Variants in GSDMD observed in about 807,000 individuals in gnomAD.
GSDMD encodes the protein gasdermin D, also known as gasdermin-D.
In GSDMD, 46 loss-of-function variants were observed where a neutral mutation model predicts 46.7. The observed-to-expected ratio is 0.99, with a 90% CI of 0.78 to 1.26. The LOEUF (loss-of-function observed/expected upper bound fraction) is 1.26. Among genes scored for constraint, GSDMD ranks in the 50% most tolerant of loss-of-function variants. GSDMD has a pLI of 0.00. For missense variants in GSDMD, 649 were observed against 638.8 expected (o/e 1.02, Z -0.17); for synonymous variants, 307 against 283.1 (o/e 1.08, Z -0.85).
chr8:143,557,870 CT>C, upstream of GSDMD: 1 of 421,084 alleles, frequency 2.4e-6, no homozygotes, highest in East Asian at 7.4e-5. Flanking sequence ...TGCCCAGACC[CT>C]TCGGCACAGG....
chr8:143,558,854 C>T (rs750883083), intron 1 of GSDMD: 7 of 531,960 alleles, frequency 1.3e-5, no homozygotes, highest in Non-Finnish European at 2.2e-5. Context: ...AAAGCCTCAG[C>T]CTTGGACAGG....
At chr8:143,557,283 T>TTGCCGCTTTGGCGAAGGATGC (rs1563902438), upstream of GSDMD, among the ~76,000 whole-genome samples, 7 of 105,312 alleles carry the variant, frequency 6.6e-5, no homozygotes, top group Non-Finnish European at 1.3e-4. Context: ...GGTTTCCACC[T>TTGCCGCTTTGGCGAAGGATGC]TGCCGCTATG....
rs769398161 is a variant in GSDMD, at chr8:143,561,829, G to A, written c.823+1G>A. On this transcript the variant is annotated splice_donor_variant, in intron 7 of 10. Transcript: ENST00000262580. LOFTEE classifies it high-confidence loss of function. ...AGGTGCCTCCACAACTTCCTGACAG[G>A]TCAGTGCCCTCCTGACCGCCCCGGG... 2 of 1,610,960 alleles carry A rather than the reference G, an allele frequency of 1.2e-6. No individual in the cohort carries two copies. Among genetic ancestry groups the A allele is most frequent in the Non-Finnish European group, 1.7e-6 (2 of 1,178,964 alleles).
At position 143,559,469 on chromosome 8, in the gene GSDMD, C is replaced by G; in HGVS notation, c.134C>G (p.Ser45Ter). The G allele has an allele frequency of 1.2e-6, 2 of 1,612,932 alleles. No homozygotes were observed. Among genetic ancestry groups the G allele is most frequent in the Non-Finnish European group, 1.7e-6 (2 of 1,180,008 alleles). Residue 45 changes from serine (S) to a stop codon, truncating the protein, a stop_gained, in exon 2 of 11, where the codon TCA becomes TGA. Coordinates refer to ENST00000262580, the MANE Select transcript of GSDMD (RefSeq NM_024736.7). LOFTEE classifies it high-confidence loss of function. ...QPYCLVVRKP[S>*]SSWFWKPRYK... ...TACTGCCTGGTGGTTAGGAAGCCCT[C>G]AAGCTCATGGTTCTGGAAACCCCGT...
In GSDMD at chr8:143,560,141, T is replaced by C. The variant is rs1374565296; in HGVS notation, c.410+172T>C. On this transcript the variant is annotated intron_variant, in intron 3 of 10. Coordinates refer to ENST00000262580, the MANE Select transcript of GSDMD (RefSeq NM_024736.7). Reference sequence around the variant, plus strand: ...CTCCTGCCTCGGCCTCCCAAAGTGCTGGGATTACAGGGGTGAGCCACTGTG... The same window carrying C: ...CTCCTGCCTCGGCCTCCCAAAGTGCCGGGATTACAGGGGTGAGCCACTGTG... The C allele has an allele frequency of 1.5e-5, 11 of 735,186 alleles. No homozygotes were observed. The East Asian group carries it at 2.9e-4, about 20-fold the overall frequency. The allele number at this position is 735,186 out of a possible 1,614,324, so 45.5% of individuals were successfully genotyped here.
Position 143,560,608 on chromosome 8 carries a change from T to C in GSDMD, c.416T>C (p.Leu139Pro). The C allele has an allele frequency of 1.3e-6, 2 of 1,581,162 alleles. No individual in the cohort carries two copies. The highest frequency in any genetic ancestry group is 1.7e-4 in the Middle Eastern group (1 of 6,016). Residue 139 changes from leucine (L) to proline (P), a missense_variant, in exon 4 of 11, where the codon CTG becomes CCG. By Grantham distance (98) the Leu-to-Pro change is moderately conservative. Coordinates refer to ENST00000262580, the MANE Select transcript of GSDMD (RefSeq NM_024736.7). The part of the protein sequence containing the change: ...TWQTLLHERH[L>P]RQPEHKVLQQ... ...TTGCTGCTCCTCGGACACAGGCACC[T>C]GCGGCAGCCAGAACACAAAGTCCTG...
chr8:143,559,296 C>CCAA, intron 1 of GSDMD, 36 bp from the exon 2 acceptor site: 1 of 1,052,406 alleles, frequency 9.5e-7, no homozygotes, highest in Non-Finnish European at 1.4e-6. Flanking sequence ...CCGCCCGCCC[C>CCAA]GAGAGCACAA....
chr8:143,555,091 C>T (rs1823277507), upstream of GSDMD: 1 of 152,302 alleles, frequency 6.6e-6, no homozygotes, highest in South Asian at 2.1e-4. Context: ...AACGCACACA[C>T]CACCAGAAAT....
chr8:143,557,311 TATGGCGAAGGATGCTGCCGCTATG>T (rs1563902547), upstream of GSDMD, among the ~76,000 whole-genome samples: 7 of 142,742 alleles, frequency 4.9e-5, no homozygotes, highest in African/African-American at 1.6e-4. Flanking sequence ...ATGCTGCCGC[TATGGCGAAGGATGCTGCCGCTATG>T]GTGAAGGATG....
At chr8:143,560,199 A>G (rs1317018092) in intron 3 of GSDMD, 2 of 697,258 alleles carry the variant, frequency 2.9e-6, no homozygotes, top group Non-Finnish European at 5.2e-6. Flanking sequence ...GGAAGGTCAC[A>G]ACCTTGGGGC....
intron 8 of GSDMD, 28 bp from the exon 9 acceptor site, chr8:143,562,181 G>A (rs973886621): frequency 1.3e-6 from 2 of 1,593,230 alleles, no homozygotes; most frequent in Non-Finnish European, 8.5e-7. Context: ...CAGCCAGCCA[G>A]ACTCACCTGC....
chr8:143,557,519 G>GCTGTGACGACGGA (rs1823337710), upstream of GSDMD, among the ~76,000 whole-genome samples: 3 of 152,160 alleles, frequency 2.0e-5, no homozygotes, highest in African/African-American at 2.4e-5. Context: ...GGATGCTGCC[G>GCTGTGACGACGGA]TGAACTTTGG....
chr8:143,557,337 T>TGCTGCCGCTATGAC (rs1563902638), upstream of GSDMD, among the ~76,000 whole-genome samples: 3 of 61,424 alleles, frequency 4.9e-5, no homozygotes, highest in Admixed American at 1.4e-4. Flanking sequence ...GCCGCTATGG[T>TGCTGCCGCTATGAC]GAAGGATGCT....
rs544169416 is a variant in GSDMD at position 143,558,519 on chromosome 8, C to T, written c.-5+68C>T. Reference sequence around the variant, plus strand: ...CCGAGTGGGGCCGGCCGCTGGCTCCCGGGTGGGGGATGCTGGCCCTGCTGC... The same window carrying T: ...CCGAGTGGGGCCGGCCGCTGGCTCCTGGGTGGGGGATGCTGGCCCTGCTGC... On this transcript the variant is annotated intron_variant, in intron 1 of 10. Coordinates refer to ENST00000262580, the MANE Select transcript of GSDMD (RefSeq NM_024736.7). 135 of 1,343,028 alleles carry T rather than the reference C, an allele frequency of 1.0e-4. No homozygotes were observed. The African/African-American group carries it at 1.4e-3, about 14-fold the overall frequency. 83.2% of individuals were successfully genotyped at this position (1,343,028 alleles called of 1,614,324 possible). A position where few individuals can be genotyped will look rare whatever the true frequency, so the allele number is the denominator to read the frequency against.
Position 143,561,017 on chromosome 8 carries a change from C to T in GSDMD, c.595C>T (p.His199Tyr). 1.2e-6 allele frequency: 2 copies of T among 1,612,828 alleles called. No individual in the cohort carries two copies. The highest frequency in any genetic ancestry group is 3.3e-5 in the Admixed American group (2 of 60,008). Residue 199 changes from histidine to tyrosine, a missense_variant, in exon 5 of 11, where the codon CAT becomes TAT. Transcript: ENST00000262580. ...ATCLQGEGQG[H>Y]LSQKKTVTIP... The stretch of plus-strand genomic sequence containing the variant: ...CATGCCTCAGGGTGAGGGCCAGGGC[C>T]ATCTGAGCCAGAAGAAGACGGTCAC...
upstream of GSDMD, chr8:143,558,231 C>A: frequency 7.9e-6 from 10 of 1,261,308 alleles, no homozygotes; most frequent in South Asian, 1.6e-4. Context: ...TTCCTCCGGA[C>A]GCGCGAGGCT....
chr8:143,554,014 C>A (rs1268338510), upstream of GSDMD, among the ~76,000 whole-genome samples: 2 of 113,670 alleles, frequency 1.8e-5, 1 homozygote, highest in East Asian at 1.3e-3. Flanking sequence ...AGGCCGCCAC[C>A]TCCTGCCGGT....
chr8:143,561,760 G>A lies in GSDMD; in HGVS notation c.755G>A (p.Ser252Asn). 1.9e-6 allele frequency: 3 copies of A among 1,609,192 alleles called. No homozygotes were observed. Among genetic ancestry groups the A allele is most frequent in the Admixed American group, 1.7e-5 (1 of 59,598 alleles). ...PPATGHKRST[S>N]EGAWPQLPSG... ...TGCCCAGGCCACAAGCGTTCCACGA[G>A]CGAAGGCGCCTGGCCACAGCTGCCC... is the stretch of plus-strand genomic sequence containing the variant. Residue 252 changes from serine to asparagine, a missense_variant, in exon 7 of 11, where the codon AGC (serine) becomes AAC (asparagine). Coordinates refer to ENST00000262580, the MANE Select transcript of GSDMD (RefSeq NM_024736.7).
chr8:143,562,174 C>T (rs763778899), intron 8 of GSDMD, 35 bp from the exon 9 acceptor site: 2 of 1,594,516 alleles, frequency 1.3e-6, no homozygotes, highest in Non-Finnish European at 1.7e-6. Context: ...GCCTGCCCAG[C>T]CAGCCAGACT....
Sources: gnomAD v4.1 joint callset for allele counts (sites outside exome capture counted in the v4.1 genomes callset) on GRCh38, gnomAD v4.1.1 for gene constraint, MANE v1.5 for transcripts, NCBI Gene and HGNC (gene_info 2026-07-23, HGNC 2026-07-21) for gene names.